CSMD3: variants seen among roughly 807,000 people sequenced by gnomAD.
CSMD3 encodes the protein CUB and Sushi multiple domains 3.
A neutral mutation model predicts 435.2 loss-of-function variants in CSMD3; 177 were observed. The ratio of observed to expected loss-of-function variants is 0.41; its 90% confidence interval spans 0.36 to 0.46. CSMD3 has a LOEUF of 0.46. Ranked by LOEUF, CSMD3 falls within the 20% of genes least tolerant of loss-of-function variation. CSMD3 has a pLI of 0.34. For synonymous variants in CSMD3, 1,656 were observed against 1,520.5 expected, an observed-to-expected ratio of 1.09 and a Z score of -2.07; for missense variants, 4,265 against 4,504.6, an observed-to-expected ratio of 0.95 and a Z score of 1.52.
chr8:112,282,476 G>A (rs1193673647), intron 58 of CSMD3, among the ~76,000 whole-genome samples: 2 of 151,510 alleles, frequency 1.3e-5, no homozygotes, highest in East Asian at 3.9e-4. Flanking sequence ...ATAGCTTGAC[G>A]TAATGCAAGA....
chr8:112,512,114 TC>T (rs1823207129), intron 28 of CSMD3, among the ~76,000 whole-genome samples: 1 of 152,144 alleles, frequency 6.6e-6, no homozygotes, highest in Non-Finnish European at 1.5e-5. Context: ...AGGGTTAGAA[TC>T]AACTTCTGCC....
At chr8:112,475,752 T>C (rs991417839) in intron 31 of CSMD3, among the ~76,000 whole-genome samples, 3 of 152,130 alleles carry the variant, frequency 2.0e-5, no homozygotes, top group Admixed American at 2.0e-4. Flanking sequence ...CAGAAGCTTT[T>C]TATATTCTTA....
chr8:112,617,316 A>G (rs1174180473), intron 22 of CSMD3, among the ~76,000 whole-genome samples: 2 of 152,336 alleles, frequency 1.3e-5, no homozygotes, highest in East Asian at 1.9e-4. Context: ...TGGGCAAAAT[A>G]TTGGCAATCT....
In CSMD3 at chr8:113,046,023, A is replaced by G. The variant is rs1160445932; in HGVS notation, c.918-26844T>C. Among the ~76,000 whole-genome samples, 2 of 149,496 alleles carry G rather than the reference A, an allele frequency of 1.3e-5. 1 individual carries two copies. The highest frequency in any genetic ancestry group is 3.0e-5 in the Non-Finnish European group (2 of 66,462). On this transcript the variant is annotated intron_variant, in intron 5 of 70. Transcript: ENST00000297405. ...GAATCGATTTACTTTTAAATGTTTTACAAACAAACAAACCTTTTATTGAAG... is the reference window on the plus strand; with the variant it reads ...GAATCGATTTACTTTTAAATGTTTTGCAAACAAACAAACCTTTTATTGAAG...
intron 19 of CSMD3, among the ~76,000 whole-genome samples, chr8:112,645,853 C>T (rs1011753965): frequency 1.3e-5 from 2 of 152,142 alleles, no homozygotes; most frequent in Admixed American, 6.5e-5. Flanking sequence ...TATTCAACAG[C>T]TATCAGTGCT....
intron 12 of CSMD3, among the ~76,000 whole-genome samples, chr8:112,801,201 G>T (rs890583108): frequency 6.6e-6 from 1 of 151,932 alleles, no homozygotes; most frequent in Non-Finnish European, 1.5e-5. Context: ...ATTACATCAG[G>T]AAAGTATAAA....
At chr8:113,396,364 A>G (rs2094483633) in intron 1 of CSMD3, among the ~76,000 whole-genome samples, 1 of 152,214 alleles carries the variant, frequency 6.6e-6, no homozygotes, top group Admixed American at 6.5e-5. Flanking sequence ...AGTGTCCCAA[A>G]GCAATCTCAA....
At chr8:113,230,241 A>G (rs1237466294) in intron 3 of CSMD3, among the ~76,000 whole-genome samples, 2 of 151,698 alleles carry the variant, frequency 1.3e-5, no homozygotes, top group African/African-American at 4.8e-5. Flanking sequence ...TGGATAGACA[A>G]CATAACATCT....
At chr8:113,323,360 A>T (rs2093961778) in intron 1 of CSMD3, among the ~76,000 whole-genome samples, 2 of 152,162 alleles carry the variant, frequency 1.3e-5, no homozygotes, top group Admixed American at 1.3e-4. Flanking sequence ...CTCAATTGTT[A>T]TTCAAACTAT....
chr8:113,173,664 C>A, intron 4 of CSMD3, 58 bp downstream of exon 4: 2 of 1,377,620 alleles, frequency 1.5e-6, no homozygotes, highest in Non-Finnish European at 2.1e-6. Flanking sequence ...GCACCAAACA[C>A]ATTTTTCAAA....
intron 22 of CSMD3, among the ~76,000 whole-genome samples, chr8:112,632,212 G>A (rs1016377847): frequency 6.6e-6 from 1 of 151,970 alleles, no homozygotes; most frequent in Admixed American, 6.6e-5. Context: ...TCGCATATAT[G>A]CTGCACATTC....
intron 1 of CSMD3, among the ~76,000 whole-genome samples, chr8:113,379,619 A>G (rs142517777): frequency 1.8e-3 from 276 of 152,272 alleles, no homozygotes; most frequent in South Asian, 0.011. Context: ...TGGCTATAAA[A>G]GAATGTGGCT....
intron 61 of CSMD3, chr8:112,255,987 G>C (rs1815755420): frequency 6.6e-6 from 1 of 152,518 alleles, no homozygotes; most frequent in Non-Finnish European, 1.5e-5. Flanking sequence ...TTTTTTAAAA[G>C]AAAAGAAGGC....
Position 112,800,233 on chromosome 8 carries a change from C to A in CSMD3, c.1901G>T (p.Ser634Ile). ...TTGAAGGTGCAGCCACATTTGGCTA[C>A]TCATGCTCACTATCAAGTCTGGTAC... ...SFVPDLIVSMSSQMWLHLQTD... is the reference protein window; with the variant it reads ...SFVPDLIVSMISQMWLHLQTD... Residue 634 changes from serine (S) to isoleucine (I), a missense_variant, in exon 13 of 71, where the codon AGT becomes ATT. This residue lies in a region of CSMD3 where 279 missense variants were observed against 369.0 expected (regional missense o/e 0.76). Coordinates refer to ENST00000297405, the MANE Select transcript of CSMD3 (RefSeq NM_198123.2). 6.2e-7 allele frequency: 1 copy of A among 1,612,938 alleles called. No individual in the cohort carries two copies. Among genetic ancestry groups the A allele is most frequent in the Non-Finnish European group, 8.5e-7 (1 of 1,179,142 alleles).
intron 1 of CSMD3, among the ~76,000 whole-genome samples, chr8:113,388,602 G>C (rs1276504946): frequency 6.6e-6 from 1 of 151,470 alleles, no homozygotes; most frequent in Non-Finnish European, 1.5e-5. Context: ...ACACATGGTA[G>C]TTATATTGAA....
rs183356156 is a variant in CSMD3, at chr8:113,134,059, C to A, written c.710-35096G>T. Among the ~76,000 whole-genome samples, 897 of 152,060 alleles carry A rather than the reference C, an allele frequency of 5.9e-3. 4 individuals are homozygous for A. The highest frequency in any genetic ancestry group is 0.019 in the African/African-American group (798 of 41,528). On this transcript the variant is annotated intron_variant, in intron 4 of 70. Transcript: ENST00000297405. ...AAATTTTATATTATATGTTTTGTTA[C>A]CACAATTTGAACAAAATGTCAAGGA...
intron 10 of CSMD3, among the ~76,000 whole-genome samples, chr8:112,882,463 T>G (rs975185171): frequency 1.3e-5 from 2 of 152,030 alleles, no homozygotes; most frequent in African/African-American, 4.8e-5. Flanking sequence ...TAAAAGCTCA[T>G]TAAAGCCTCA....
chr8:112,845,419 G>C (rs1355796195), intron 11 of CSMD3, among the ~76,000 whole-genome samples: 1 of 152,000 alleles, frequency 6.6e-6, no homozygotes, highest in East Asian at 1.9e-4. Flanking sequence ...AGTCCTAGAA[G>C]ATGCCATTAA....
chr8:113,067,127 C>G (rs2088894361), intron 5 of CSMD3, among the ~76,000 whole-genome samples: 1 of 151,978 alleles, frequency 6.6e-6, no homozygotes, highest in African/African-American at 2.4e-5. Context: ...CTTGGGAAAA[C>G]AAGGGCTATG....
Sources: allele counts gnomAD v4.1 joint callset (sites outside exome capture counted in the v4.1 genomes callset), GRCh38; gene constraint gnomAD v4.1.1; regional missense constraint gnomAD v4.1.1; transcripts MANE v1.5; gene names NCBI Gene and HGNC (gene_info 2026-07-23, HGNC 2026-07-21).